Variants in KDM5A observed in about 807,000 individuals in gnomAD.
KDM5A encodes lysine-specific demethylase 5A.
Under a neutral mutation model 193.5 loss-of-function variants are expected in KDM5A, and 42 were observed. The observed-to-expected ratio is 0.22, with a 90% CI of 0.17 to 0.28. The LOEUF is 0.28. Among genes scored for constraint, KDM5A ranks in the 10% least tolerant of loss-of-function variants. The pLI is 1.00. For missense variants in KDM5A, 1,692 were observed against 2,055.1 expected, an observed-to-expected ratio of 0.82 and a Z score of 3.42; for synonymous variants, 796 against 718.1, an observed-to-expected ratio of 1.11 and a Z score of -1.73.
intron 3 of KDM5A, among the ~76,000 whole-genome samples, chr12:380,574 G>A (rs573369300): frequency 1.3e-5 from 2 of 151,984 alleles, no homozygotes; most frequent in South Asian, 2.1e-4. Flanking sequence ...AAAATTAGCT[G>A]GGTGTGGTGG....
chr12:330,096 T>TATA (rs1555132352), intron 13 of KDM5A, among the ~76,000 whole-genome samples: 1 of 151,240 alleles, frequency 6.6e-6, no homozygotes. Flanking sequence ...TATATATATA[T>TATA]ATCTTATGAT....
At chr12:286,273 C>A in intron 27 of KDM5A, 1 of 460,958 alleles carries the variant, frequency 2.2e-6, no homozygotes, top group Non-Finnish European at 4.5e-6. Context: ...CAGTCAAAGA[C>A]ACAGGTCAAT....
chr12:309,447 TG>T (rs1943553219), intron 22 of KDM5A, among the ~76,000 whole-genome samples: 1 of 152,240 alleles, frequency 6.6e-6, no homozygotes, highest in African/African-American at 2.4e-5. Flanking sequence ...GTAGTAAAAG[TG>T]GGTTCATTAT....
chr12:311,079 T>G lies in KDM5A; in HGVS notation c.3037-15A>C. ...TTGCTGCCACTCTGAAAAACCAAAG[T>G]AGATTCTCACAATTTGAGTTCTCTT... On this transcript the variant is annotated splice_polypyrimidine_tract_variant and intron_variant, in intron 20 of 27. Transcript: ENST00000399788. 1 of 1,613,948 alleles carries G rather than the reference T, an allele frequency of 6.2e-7. No homozygotes were observed. Among genetic ancestry groups the G allele is most frequent in the Non-Finnish European group, 8.5e-7 (1 of 1,179,850 alleles).
intron 21 of KDM5A, among the ~76,000 whole-genome samples, chr12:310,610 G>T (rs1424464232): frequency 2.0e-5 from 3 of 152,088 alleles, no homozygotes; most frequent in Admixed American, 6.5e-5. Context: ...CTCCAGTCTG[G>T]GCGACAGGGC....
chr12:285,139 A>T lies in KDM5A; in HGVS notation c.*317T>A. On this transcript the variant is annotated 3_prime_UTR_variant, in exon 28 of 28. Coordinates refer to ENST00000399788, the MANE Select transcript of KDM5A (RefSeq NM_001042603.3). ...AAAGCCACATCCTATATGCCCTGTT[A>T]GCACACCAATGTATTAATACTAACC... is the stretch of plus-strand genomic sequence containing the variant. 2.4e-6 allele frequency: 1 copy of T among 424,228 alleles called. No homozygotes were observed. Among genetic ancestry groups the T allele is most frequent in the Non-Finnish European group, 4.3e-6 (1 of 231,896 alleles). 26.3% of individuals were successfully genotyped at this position (424,228 alleles called of 1,614,324 possible). A position where few individuals can be genotyped will look rare whatever the true frequency, so the allele number is the denominator to read the frequency against.
intron 26 of KDM5A, among the ~76,000 whole-genome samples, chr12:293,490 A>T (rs1302847519): frequency 1.3e-5 from 2 of 152,094 alleles, no homozygotes; most frequent in African/African-American, 2.4e-5. Context: ...AATAAAAAAG[A>T]TTTATGGGCC....
In KDM5A at chr12:336,409, CAGGTTTA is replaced by C. The variant is rs142016003; in HGVS notation, c.1309-1994_1309-1988del. 1.8e-4 allele frequency among the ~76,000 whole-genome samples: 26 copies of C among 147,568 alleles called. No homozygotes were observed. The East Asian group carries it at 4.9e-3, about 28-fold the overall frequency. Reference sequence around the variant, plus strand: ...GAGGATGGAATAACAAAGTCCAACACAGGTTTAACTAAGAATTCCAATAAGAAATGAC... The same window carrying C: ...GAGGATGGAATAACAAAGTCCAACACACTAAGAATTCCAATAAGAAATGAC... On this transcript the variant is annotated intron_variant, in intron 10 of 27. Transcript: ENST00000399788.
intron 5 of KDM5A, among the ~76,000 whole-genome samples, chr12:361,697 A>T (rs924170311): frequency 8.5e-5 from 13 of 152,200 alleles, no homozygotes; most frequent in African/African-American, 3.1e-4. Flanking sequence ...GTATACCCAA[A>T]GATGATCAGA....
intron 26 of KDM5A, 85 bp downstream of exon 26, chr12:295,487 AC>A: frequency 7.9e-7 from 1 of 1,260,084 alleles, no homozygotes; most frequent in South Asian, 1.2e-5. Flanking sequence ...GCCCTCAGCC[AC>A]CCCTTTGCCA....
intron 13 of KDM5A, among the ~76,000 whole-genome samples, chr12:330,624 G>C (rs1196819963): frequency 1.3e-5 from 2 of 152,156 alleles, no homozygotes; most frequent in Non-Finnish European, 2.9e-5. Context: ...AATGCTGATT[G>C]AATGTTTAGA....
chr12:298,936 G>A (rs1943407225), intron 24 of KDM5A, among the ~76,000 whole-genome samples: 2 of 151,628 alleles, frequency 1.3e-5, no homozygotes, highest in South Asian at 4.2e-4. Flanking sequence ...CAATCAAGCA[G>A]AAGAAAGGAT....
chr12:380,994 T>A (rs1444495620), intron 3 of KDM5A, among the ~76,000 whole-genome samples: 2 of 72,332 alleles, frequency 2.8e-5, no homozygotes, highest in East Asian at 5.4e-4. Flanking sequence ...TAGGTTTTAT[T>A]TTATTTTTTT....
intron 10 of KDM5A, among the ~76,000 whole-genome samples, chr12:348,011 C>T (rs1392210958): frequency 1.3e-5 from 2 of 151,998 alleles, no homozygotes; most frequent in Non-Finnish European, 2.9e-5. Context: ...TGCAATCTAT[C>T]CATCTGACAA....
rs566605035 is a variant in KDM5A at position 334,237 on chromosome 12, A to C, written c.1490+4T>G. On this transcript the variant is annotated splice_donor_region_variant and intron_variant, in intron 11 of 27. Transcript: ENST00000399788. The stretch of plus-strand genomic sequence containing the variant: ...ATGCATGCTGTATTTTAGACTGTAC[A>C]TACCAGTGCAAGTAGTTGATGGAAT... 2 of 1,613,218 alleles carry C rather than the reference A, an allele frequency of 1.2e-6. No individual in the cohort carries two copies. The highest frequency in any genetic ancestry group is 2.2e-5 in the South Asian group (2 of 91,072).
chr12:371,957 T>C lies in KDM5A; in HGVS notation c.367-5853A>G, dbSNP rs202187417. Among the ~76,000 whole-genome samples the C allele has an allele frequency of 3.9e-5, 6 of 152,360 alleles. No homozygotes were observed. In the East Asian group the frequency reaches 5.8e-4, roughly 15 times the overall value. ...GGCTCTGTTCTGTTCCATTGGTCTC[T>C]ATCTCTGTTTTGGTACCAGTACCAT... is the stretch of plus-strand genomic sequence containing the variant. On this transcript the variant is annotated intron_variant, in intron 3 of 27. Transcript: ENST00000399788.
chr12:288,933 G>A (rs1204992988), intron 27 of KDM5A, among the ~76,000 whole-genome samples: 2 of 152,220 alleles, frequency 1.3e-5, no homozygotes, highest in Non-Finnish European at 2.9e-5. Context: ...GCGTGTGTGT[G>A]TGTATTACAC....
chr12:348,076 A>G (rs1164097979), intron 10 of KDM5A, among the ~76,000 whole-genome samples: 1 of 151,372 alleles, frequency 6.6e-6, no homozygotes, highest in African/African-American at 2.4e-5. Flanking sequence ...AGAAAAAAAC[A>G]AACAACCCCA....
intron 5 of KDM5A, among the ~76,000 whole-genome samples, chr12:359,051 T>C (rs1944262443): frequency 6.6e-6 from 1 of 150,842 alleles, no homozygotes; most frequent in Non-Finnish European, 1.5e-5. Context: ...ATTAAAGCAG[T>C]GATCACAGGA....
Sources: allele counts gnomAD v4.1 joint callset (sites outside exome capture counted in the v4.1 genomes callset), GRCh38; gene constraint gnomAD v4.1.1; transcripts MANE v1.5; gene names NCBI Gene and HGNC (gene_info 2026-07-23, HGNC 2026-07-21).